The following KHDRBS2 variants were observed in gnomAD, a reference collection of about 807,000 sequenced individuals.
KHDRBS2 encodes KH RNA binding domain containing, signal transduction associated 2.
KHDRBS2 carries 26 observed loss-of-function variants against 44.3 expected under a neutral mutation model. The ratio of observed to expected loss-of-function variants is 0.59; its 90% CI spans 0.43 to 0.81. The LOEUF is 0.81. KHDRBS2 is among the 40% of genes least tolerant of loss of function. The pLI, the probability that KHDRBS2 is intolerant of heterozygous loss-of-function variation, is 0.00. For synonymous variants in KHDRBS2, 194 were observed against 151.1 expected, an observed-to-expected ratio of 1.28 and a Z score of -2.08; for missense variants, 476 against 433.1, an observed-to-expected ratio of 1.10 and a Z score of -0.88.
In KHDRBS2 at chr6:62,060,998, T is replaced by C. The variant is rs553179708; in HGVS notation, c.220-13004A>G. Among the ~76,000 whole-genome samples, 140 of 151,920 alleles carry C rather than the reference T, an allele frequency of 9.2e-4. 1 individual carries two copies. Among genetic ancestry groups the C allele is most frequent in the African/African-American group, 3.3e-3 (135 of 41,518 alleles). On this transcript the variant is annotated intron_variant, in intron 2 of 8. Coordinates refer to ENST00000281156, the MANE Select transcript of KHDRBS2 (RefSeq NM_152688.4). ...TTATCAGAGACTAGGATTGCAACCC[T>C]TGCCTTTTTTTGTTTTCCATTTGCT...
At chr6:61,653,394 C>G in the KHDRBS2 span, among the ~76,000 whole-genome samples, 76 of 152,072 alleles carry the variant, frequency 5.0e-4, no homozygotes, top group African/African-American at 1.8e-3. Context: ...ATTCCTAGTT[C>G]TAAAAATATT....
intron 8 of KHDRBS2, among the ~76,000 whole-genome samples, chr6:61,686,621 T>G (rs1766840505): frequency 6.6e-6 from 1 of 151,720 alleles, no homozygotes; most frequent in Non-Finnish European, 1.5e-5. Context: ...AGGTGTTTTG[T>G]GTATATTATT....
intron 6 of KHDRBS2, among the ~76,000 whole-genome samples, chr6:61,812,941 T>C (rs1426499263): frequency 6.6e-6 from 1 of 152,100 alleles, no homozygotes; most frequent in Non-Finnish European, 1.5e-5. Context: ...AAGATCATGA[T>C]AATTTAAGTT....
chr6:62,188,135 A>C (rs2150129566), intron 1 of KHDRBS2, among the ~76,000 whole-genome samples: 1 of 152,122 alleles, frequency 6.6e-6, no homozygotes, highest in Non-Finnish European at 1.5e-5. Flanking sequence ...TCCATTCATG[A>C]GGGATCTGCC....
intron 2 of KHDRBS2, among the ~76,000 whole-genome samples, chr6:62,100,750 CTA>C (rs1801681011): frequency 6.6e-6 from 1 of 152,110 alleles, no homozygotes; most frequent in South Asian, 2.1e-4. Context: ...CTTAAATAGA[CTA>C]TAGTGTAGCA....
chr6:62,081,568 A>G (rs1237936214), intron 2 of KHDRBS2, among the ~76,000 whole-genome samples: 3 of 152,166 alleles, frequency 2.0e-5, no homozygotes, highest in Non-Finnish European at 4.4e-5. Flanking sequence ...AGACAAAAGA[A>G]TAAAATCAAG....
chr6:61,913,400 G>C (rs1806402494), intron 4 of KHDRBS2, among the ~76,000 whole-genome samples: 5 of 151,992 alleles, frequency 3.3e-5, no homozygotes, highest in Admixed American at 3.3e-4. Flanking sequence ...CTGGGTTTCT[G>C]TTGAACTTGT....
intron 2 of KHDRBS2, among the ~76,000 whole-genome samples, chr6:62,100,793 C>G (rs1210771226): frequency 3.9e-5 from 6 of 152,066 alleles, no homozygotes; most frequent in Non-Finnish European, 5.9e-5. Context: ...ACTGGGAAAC[C>G]AGATAATTTG....
chr6:62,023,066 A>G (rs142548864), intron 3 of KHDRBS2, among the ~76,000 whole-genome samples: 133 of 151,834 alleles, frequency 8.8e-4, no homozygotes, highest in African/African-American at 2.9e-3. Flanking sequence ...TTAGAACGTG[A>G]AAAAGAAAAA....
intron 1 of KHDRBS2, among the ~76,000 whole-genome samples, chr6:62,283,730 A>G (rs1457530572): frequency 6.6e-6 from 1 of 152,052 alleles, no homozygotes; most frequent in African/African-American, 2.4e-5. Context: ...TGAAAGATCT[A>G]TACCATAAAA....
chr6:61,756,842 C>T (rs1158957898), intron 6 of KHDRBS2, among the ~76,000 whole-genome samples: 1 of 152,178 alleles, frequency 6.6e-6, no homozygotes, highest in Non-Finnish European at 1.5e-5. Flanking sequence ...TTTTCTCTTG[C>T]TATTTTGTAA....
intron 8 of KHDRBS2, among the ~76,000 whole-genome samples, chr6:61,694,215 TACA>T (rs1582198277): frequency 6.6e-6 from 1 of 152,214 alleles, no homozygotes; most frequent in South Asian, 2.1e-4. Context: ...GATTGTTCAC[TACA>T]ACATCTCTAA....
chr6:61,959,337 C>A (rs550822516), intron 4 of KHDRBS2, among the ~76,000 whole-genome samples: 4 of 152,268 alleles, frequency 2.6e-5, no homozygotes, highest in African/African-American at 9.6e-5. Context: ...TTAAATGGAA[C>A]AACACACACA....
chr6:62,277,687 T>C (rs1314401613), intron 1 of KHDRBS2, among the ~76,000 whole-genome samples: 1 of 152,150 alleles, frequency 6.6e-6, no homozygotes, highest in East Asian at 1.9e-4. Context: ...TATGTGATTG[T>C]GTAGTCAAAT....
rs367556821 is a variant in KHDRBS2, at chr6:62,086,767, T to C, written c.220-38773A>G. ...CCAATTTGAGATCAGCAGTTGAACA[T>C]GAGAGGAGTTTTTCTGAACACAGTA... On this transcript the variant is annotated intron_variant, in intron 2 of 8. Transcript: ENST00000281156. Among the ~76,000 whole-genome samples, 221 of 152,112 alleles carry C rather than the reference T, an allele frequency of 1.5e-3. 1 individual carries two copies. The highest frequency in any genetic ancestry group is 5.0e-3 in the African/African-American group (207 of 41,502).
downstream of KHDRBS2, among the ~76,000 whole-genome samples, chr6:61,678,233 G>A (rs1766056419): frequency 2.0e-5 from 3 of 151,954 alleles, no homozygotes; most frequent in Admixed American, 1.3e-4. Context: ...CATCAGCTCA[G>A]CCTGTGGATT....
At chr6:61,993,671 ATATTTTTT>A (rs1388788444) in intron 3 of KHDRBS2, among the ~76,000 whole-genome samples, 42 of 121,872 alleles carry the variant, frequency 3.4e-4, no homozygotes, top group African/African-American at 1.2e-3. Context: ...ATATATATAT[ATATTTTTT>A]TTTTTTGATG....
At chr6:61,944,947 CG>C (rs1562489371) in intron 4 of KHDRBS2, among the ~76,000 whole-genome samples, 1 of 150,678 alleles carries the variant, frequency 6.6e-6, no homozygotes, top group Admixed American at 6.6e-5. Flanking sequence ...AAAAATAAGC[CG>C]GGTGTGGTGA....
chr6:61,562,050 A>G, the KHDRBS2 span, among the ~76,000 whole-genome samples: 1 of 152,146 alleles, frequency 6.6e-6, no homozygotes, highest in African/African-American at 2.4e-5. Context: ...CTCTAGGAAA[A>G]TTTTCACACT....
Sources: gnomAD v4.1 joint callset for allele counts (sites outside exome capture counted in the v4.1 genomes callset) on GRCh38, gnomAD v4.1.1 for gene constraint, MANE v1.5 for transcripts, NCBI Gene and HGNC (gene_info 2026-07-23, HGNC 2026-07-21) for gene names.